SRRM2: variants seen among roughly 807,000 people sequenced by gnomAD.
SRRM2 encodes the protein serine/arginine repetitive matrix 2, also known as serine/arginine repetitive matrix protein 2.
In SRRM2, 30 loss-of-function variants were observed where a neutral mutation model predicts 213.8. The observed-to-expected ratio is 0.14, with a 90% CI of 0.10 to 0.19. SRRM2 has a LOEUF of 0.19. Ranked by LOEUF, SRRM2 falls within the 10% of genes least tolerant of loss-of-function variation. The probability of loss-of-function intolerance (pLI) is 1.00; values close to 1 mark genes in which losing one functional copy is unlikely to be tolerated. For synonymous variants in SRRM2, 2,025 were observed against 1,377.7 expected, an observed-to-expected ratio of 1.47 and a Z score of -10.40; for missense variants, 4,904 against 3,647.0, an observed-to-expected ratio of 1.34 and a Z score of -8.88.
rs1425838346 is a variant in SRRM2 at position 2,756,407 on chromosome 16, A to T, written c.43A>T (p.Thr15Ser). 2 of 1,610,726 alleles carry T rather than the reference A, an allele frequency of 1.2e-6. No homozygotes were observed. Among genetic ancestry groups the T allele is most frequent in the Non-Finnish European group, 1.7e-6 (2 of 1,178,828 alleles). Residue 15 changes from threonine (T) to serine (S), a missense_variant, in exon 2 of 15, where the codon ACC becomes TCC. Physicochemically the swap from Thr to Ser is moderately conservative, Grantham distance 58. Transcript: ENST00000301740. ...IGLPTPRGSG[T>S]NGYVQRNLSL... is the part of the protein sequence containing the mutation. ...GCTGCCGACGCCCCGGGGCAGCGGC[A>T]CCAACGGCTACGTCCAGCGCAACCT...
In SRRM2 at chr16:2,762,677, A is replaced by G; in HGVS notation, c.2149A>G (p.Thr717Ala). ...LVRRGRSHSR[T>A]PQRRGRSGSS... is the part of the protein sequence containing the mutation. ...TAGACGTGGAAGATCTCACTCTAGA[A>G]CACCTCAAAGAAGAGGCAGATCTGG... The change falls in exon 11 of 15, where the codon ACA becomes GCA. Residue 717 changes from threonine to alanine, a missense_variant. Physicochemically the swap from Thr to Ala is moderately conservative, Grantham distance 58 (BLOSUM62 0). Coordinates refer to ENST00000301740, the MANE Select transcript of SRRM2 (RefSeq NM_016333.4). 1 of 1,614,148 alleles carries G rather than the reference A, an allele frequency of 6.2e-7. No individual in the cohort carries two copies. Among genetic ancestry groups the G allele is most frequent in the South Asian group, 1.1e-5 (1 of 91,064 alleles).
rs775317311 is a variant in SRRM2 at position 2,760,390 on chromosome 16, C to G, written c.923C>G (p.Ala308Gly). Reference sequence around the variant, plus strand: ...TCAGGGCGACGCGGGGAGGGAGATGCGCCTTTCAGTGAACCAGGTACTACC... The same window carrying G: ...TCAGGGCGACGCGGGGAGGGAGATGGGCCTTTCAGTGAACCAGGTACTACC... ...PASGRRGEGD[A>G]PFSEPGTTST... The change falls in exon 10 of 15, where the codon GCG (alanine) becomes GGG (glycine). Residue 308 changes from alanine (A) to glycine (G), a missense_variant. By Grantham distance (60) the Ala-to-Gly change is moderately conservative. Transcript: ENST00000301740. 6.2e-7 allele frequency: 1 copy of G among 1,614,116 alleles called. No homozygotes were observed. The highest frequency in any genetic ancestry group is 1.1e-5 in the South Asian group (1 of 91,076).
chr16:2,764,051 G>A lies in SRRM2; in HGVS notation c.3523G>A (p.Asp1175Asn). The A allele has an allele frequency of 6.2e-7, 1 of 1,614,178 alleles. No homozygotes were observed. The highest frequency in any genetic ancestry group is 8.5e-7 in the Non-Finnish European group (1 of 1,180,036). Reference protein sequence around the residue: ...KEKMALPPQEDATASPPRQKD... With the variant: ...KEKMALPPQENATASPPRQKD... Reference sequence around the variant, plus strand: ...GAAAATGGCCTTACCCCCTCAGGAGGATGCTACTGCATCACCTCCTAGACA... The same window carrying A: ...GAAAATGGCCTTACCCCCTCAGGAGAATGCTACTGCATCACCTCCTAGACA... Residue 1175 changes from aspartate (D) to asparagine (N), a missense_variant, in exon 11 of 15, where the codon GAT (aspartate) becomes AAT (asparagine). By Grantham distance (23) the Asp-to-Asn change is conservative. Coordinates refer to ENST00000301740, the MANE Select transcript of SRRM2 (RefSeq NM_016333.4).
At chr16:2,757,041 T>G (rs910378572) in intron 2 of SRRM2, among the ~76,000 whole-genome samples, 1 of 151,762 alleles carries the variant, frequency 6.6e-6, no homozygotes, top group Non-Finnish European at 1.5e-5. Flanking sequence ...CGTGAAGAAG[T>G]GGGAATCATG....
Position 2,771,147 on chromosome 16 carries a change from G to C in SRRM2, c.*280G>C. 1 of 623,470 alleles carries C rather than the reference G, an allele frequency of 1.6e-6. No homozygotes were observed. Among genetic ancestry groups the C allele is most frequent in the South Asian group, 2.0e-5 (1 of 50,908 alleles). The allele number at this position is 623,470 out of a possible 1,614,324, so 38.6% of individuals were successfully genotyped here. On this transcript the variant is annotated 3_prime_UTR_variant, in exon 15 of 15. Transcript: ENST00000301740. ...GGAGGATACAGTTCAGGATACCCCA[G>C]CCTGGAGTCAGGGCCAGGGAGGCAT...
rs147738815 is a variant in SRRM2, at chr16:2,762,221, A to G, written c.1693A>G (p.Arg565Gly). The stretch of plus-strand genomic sequence containing the variant: ...AGCAAGGCGAGGGAGGTCCCACTCT[A>G]GATCCCCAGCCACTAGGGGTAGATC... ...RSARRGRSHSRSPATRGRSRS... is the reference protein window; with the variant it reads ...RSARRGRSHSGSPATRGRSRS... The change falls in exon 11 of 15, where the codon AGA (arginine) becomes GGA (glycine). Residue 565 changes from arginine to glycine, a missense_variant. Coordinates refer to ENST00000301740, the MANE Select transcript of SRRM2 (RefSeq NM_016333.4). The G allele has an allele frequency of 6.2e-7, 1 of 1,614,108 alleles. No homozygotes were observed. Among genetic ancestry groups the G allele is most frequent in the Non-Finnish European group, 8.5e-7 (1 of 1,179,984 alleles).
rs914112984 is a variant in SRRM2, at chr16:2,766,379, C to G, written c.5851C>G (p.Pro1951Ala). The G allele has an allele frequency of 6.2e-7, 1 of 1,614,008 alleles. No homozygotes were observed. Among genetic ancestry groups the G allele is most frequent in the African/African-American group, 1.3e-5 (1 of 75,016 alleles). The change falls in exon 11 of 15, where the codon CCA becomes GCA. Residue 1951 changes from proline (P) to alanine (A), a missense_variant. Physicochemically the swap from Pro to Ala is conservative, Grantham distance 27. Transcript: ENST00000301740. The surrounding 1 kb of genome is among the most constrained non-coding windows in gnomAD (Gnocchi z 7.0). Reference protein sequence around the residue: ...TTRRRSRSRTPPVTRRRSRSR... With the variant: ...TTRRRSRSRTAPVTRRRSRSR... The stretch of plus-strand genomic sequence containing the variant: ...ACGCCGCCGCTCCCGTTCTAGAACT[C>G]CACCAGTGACTCGCAGAAGGTCCAG...
rs746983755 is a variant in SRRM2 at position 2,762,090 on chromosome 16, G to A, written c.1562G>A (p.Arg521Lys). The A allele has an allele frequency of 2.5e-6, 4 of 1,614,122 alleles. No individual in the cohort carries two copies. Among genetic ancestry groups the A allele is most frequent in the African/African-American group, 2.7e-5 (2 of 74,944 alleles). The change falls in exon 11 of 15, where the codon AGG (arginine) becomes AAG (lysine). Residue 521 changes from arginine to lysine, a missense_variant. By Grantham distance (26) the Arg-to-Lys change is conservative. Transcript: ENST00000301740. ...TGGCGTAGGTCCAGGTCTGCACAGA[G>A]GTGGGGAAGATCTAGAAGCCCCCAG... ...PQWRRSRSAQ[R>K]WGRSRSPQRR...
chr16:2,769,050 C>T lies in SRRM2; in HGVS notation c.7787C>T (p.Pro2596Leu), dbSNP rs111694508. ...PKEAVREGRP[P>L]EPTPAKRKRR... ...GAGGCTGTTCGAGAGGGACGTCCTCCGGAGCCAACCCCAGCCAAACGGAAG... is the reference window on the plus strand; with the variant it reads ...GAGGCTGTTCGAGAGGGACGTCCTCTGGAGCCAACCCCAGCCAAACGGAAG... Residue 2596 changes from proline (P) to leucine (L), a missense_variant, in exon 12 of 15, where the codon CCG (proline) becomes CTG (leucine). Transcript: ENST00000301740. 5.9e-4 allele frequency: 952 copies of T among 1,614,138 alleles called. 3 individuals carry two copies. In the African/African-American group the frequency reaches 7.7e-3, roughly 13 times the overall value.
rs760105552 is a variant in SRRM2, at chr16:2,767,907, G to A, written c.7379G>A (p.Arg2460His). The A allele has an allele frequency of 3.9e-5, 63 of 1,613,948 alleles. No individual in the cohort carries two copies. In the Middle Eastern group the frequency reaches 6.6e-4, roughly 17 times the overall value. ...PVPSAFSDQS[R>H]CLIAQTTPVA... ...CCTTCTGCTTTTTCAGACCAATCCC[G>A]TTGTTTGATTGCCCAGACCACCCCT... The change falls in exon 11 of 15, where the codon CGT (arginine) becomes CAT (histidine). Residue 2460 changes from arginine to histidine, a missense_variant. Physicochemically the swap from Arg to His is conservative, Grantham distance 29 (BLOSUM62 0). Transcript: ENST00000301740.
chr16:2,769,486 G>A (rs1472665450), intron 12 of SRRM2: 7 of 650,878 alleles, frequency 1.1e-5, no homozygotes, highest in Non-Finnish European at 1.6e-5. Context: ...GCGGCGCTCA[G>A]GCCAGGACCA....
Position 2,756,235 on chromosome 16 carries a change from T to C in SRRM2, c.-31-99T>C. ...CGAAGACTTAGTGTGAAGATCAATGTTGAATTAGGGATGAAGGAGAGCAGG... is the reference window on the plus strand; with the variant it reads ...CGAAGACTTAGTGTGAAGATCAATGCTGAATTAGGGATGAAGGAGAGCAGG... On this transcript the variant is annotated intron_variant, in intron 1 of 14. Transcript: ENST00000301740. The C allele has an allele frequency of 2.7e-6, 3 of 1,129,972 alleles. No homozygotes were observed. In the South Asian group the frequency reaches 4.9e-5, roughly 18 times the overall value. The allele number at this position is 1,129,972 out of a possible 1,614,324, so 70.0% of individuals were successfully genotyped here. A position where few individuals can be genotyped will look rare whatever the true frequency, so the allele number is the denominator to read the frequency against.
At chr16:2,754,181 T>G (rs2068055661) in intron 1 of SRRM2, among the ~76,000 whole-genome samples, 1 of 152,208 alleles carries the variant, frequency 6.6e-6, no homozygotes, top group Admixed American at 6.5e-5. Context: ...ACACACCCCT[T>G]AGATGCCGTG....
chr16:2,765,008 A>G lies in SRRM2; in HGVS notation c.4480A>G (p.Arg1494Gly). 1.2e-6 allele frequency: 2 copies of G among 1,614,058 alleles called. No homozygotes were observed. The highest frequency in any genetic ancestry group is 2.2e-5 in the South Asian group (2 of 91,076). ...PEPKALPQTP[R>G]PRSRSPSSPE... ...ACCGAAAGCTTTGCCTCAGACTCCT[A>G]GGCCGAGGAGTCGTTCTCCATCATC... The change falls in exon 11 of 15, where the codon AGG becomes GGG. Residue 1494 changes from arginine (R) to glycine (G), a missense_variant. Physicochemically the swap from Arg to Gly is moderately radical, Grantham distance 125. Transcript: ENST00000301740.
chr16:2,757,891 A>G lies in SRRM2; in HGVS notation c.461A>G (p.Gln154Arg). Residue 154 changes from glutamine to arginine, a missense_variant, in exon 4 of 15, where the codon CAG becomes CGG. Physicochemically the swap from Gln to Arg is conservative, Grantham distance 43 (BLOSUM62 1). Coordinates refer to ENST00000301740, the MANE Select transcript of SRRM2 (RefSeq NM_016333.4). ...SYVDGSSFDP[Q>R]RRAREAKQPA... ...GTAGATGGCAGCTCTTTTGATCCTC[A>G]GCGTCGTGCCCGAGAAGCTAAACAA... The G allele has an allele frequency of 6.2e-7, 1 of 1,614,132 alleles. No homozygotes were observed. Among genetic ancestry groups the G allele is most frequent in the Non-Finnish European group, 8.5e-7 (1 of 1,180,030 alleles).
In SRRM2 at chr16:2,761,667, C is replaced by G. The variant is rs763885001; in HGVS notation, c.1139C>G (p.Pro380Arg). 72 of 1,594,940 alleles carry G rather than the reference C, an allele frequency of 4.5e-5. No individual in the cohort carries two copies. The highest frequency in any genetic ancestry group is 5.7e-5 in the Non-Finnish European group (67 of 1,171,044). Residue 380 changes from proline (P) to arginine (R), a missense_variant, in exon 11 of 15, where the codon CCC (proline) becomes CGC (arginine). Coordinates refer to ENST00000301740, the MANE Select transcript of SRRM2 (RefSeq NM_016333.4). ...LAERHGGSPQ[P>R]LATTPLSQEP... ...GAGCGACATGGCGGCTCCCCACAAC[C>G]CCTTGCAACCACCCCCTTAAGCCAG...
chr16:2,769,380 G>A (rs2068658981), intron 12 of SRRM2, 96 bp downstream of exon 12: 3 of 1,390,686 alleles, frequency 2.2e-6, no homozygotes, highest in Non-Finnish European at 1.9e-6. Flanking sequence ...GGTGTCTCAC[G>A]TGGCCTTGGG....
rs116928678 is a variant in SRRM2 at position 2,771,381 on chromosome 16, T to C, written c.*514T>C. The C allele has an allele frequency of 2.5e-6, 4 of 1,607,778 alleles. No individual in the cohort carries two copies. Among genetic ancestry groups the C allele is most frequent in the Non-Finnish European group, 3.4e-6 (4 of 1,174,698 alleles). On this transcript the variant is annotated 3_prime_UTR_variant, in exon 15 of 15. Transcript: ENST00000301740. Reference sequence around the variant, plus strand: ...AAAATCTGTACAGCAAGAGCAACTTTTTCTGTCAAATAAAAATGAGAAATG... The same window carrying C: ...AAAATCTGTACAGCAAGAGCAACTTCTTCTGTCAAATAAAAATGAGAAATG...
intron 11 of SRRM2, 75 bp from the exon 12 acceptor site, chr16:2,768,922 G>T (rs563171280): frequency 1.3e-6 from 2 of 1,595,494 alleles, no homozygotes; most frequent in East Asian, 2.3e-5. Context: ...CCCCACTGCC[G>T]TTCCTCCAGG....
Sources: gnomAD v4.1 joint callset for allele counts (sites outside exome capture counted in the v4.1 genomes callset) on GRCh38, gnomAD v4.1.1 for gene constraint, Gnocchi (gnomAD v3.1) non-coding constraint, MANE v1.5 for transcripts, NCBI Gene and HGNC (gene_info 2026-07-23, HGNC 2026-07-21) for gene names.